The following OTUD7A variants were observed in gnomAD, a reference collection of about 807,000 sequenced individuals.
OTUD7A encodes the protein OTU deubiquitinase 7A.
A neutral mutation model predicts 65.7 loss-of-function variants in OTUD7A; 12 were observed. The observed-to-expected ratio is 0.18, with a 90% CI of 0.12 to 0.30. OTUD7A has a LOEUF of 0.30. Among genes scored for constraint, OTUD7A ranks in the 10% least tolerant of loss-of-function variants. The pLI, the probability that OTUD7A is intolerant of heterozygous loss-of-function variation, is 1.00. For synonymous variants in OTUD7A, 641 were observed against 586.3 expected, an observed-to-expected ratio of 1.09 and a Z score of -1.35; for missense variants, 1,148 against 1,304.8, an observed-to-expected ratio of 0.88 and a Z score of 1.85.
At chr15:31,598,352 C>T (rs992098142) in intron 3 of OTUD7A, among the ~76,000 whole-genome samples, 2 of 152,110 alleles carry the variant, frequency 1.3e-5, no homozygotes, top group South Asian at 2.1e-4. Context: ...CCACAGAGGG[C>T]GAGCCGAAGC....
chr15:31,558,916 C>A, intron 5 of OTUD7A, 53 bp downstream of exon 5: 1 of 1,580,914 alleles, frequency 6.3e-7, no homozygotes, highest in Non-Finnish European at 8.7e-7. Context: ...GTTAGGCCAG[C>A]TCACCATTCA....
At chr15:31,771,517 C>T (rs1042466294) in intron 1 of OTUD7A, among the ~76,000 whole-genome samples, 1 of 152,194 alleles carries the variant, frequency 6.6e-6, no homozygotes, top group Admixed American at 6.5e-5. Context: ...ACCAGTGATG[C>T]CAGTGGGTTC....
chr15:31,646,394 TTCTTTCTC>T (rs1456977874), intron 3 of OTUD7A, among the ~76,000 whole-genome samples: 5 of 152,092 alleles, frequency 3.3e-5, no homozygotes, highest in African/African-American at 1.2e-4. Flanking sequence ...GGAAGTGTCT[TTCTTTCTC>T]TCTTTCTCTC....
chr15:31,543,586 G>T (rs768040898), intron 5 of OTUD7A, among the ~76,000 whole-genome samples: 2 of 151,756 alleles, frequency 1.3e-5, no homozygotes, highest in Admixed American at 1.3e-4. Flanking sequence ...TTTAACTTAC[G>T]GAAAGCTAAC....
At chr15:31,575,250 G>A (rs760752824) in intron 3 of OTUD7A, among the ~76,000 whole-genome samples, 6 of 152,160 alleles carry the variant, frequency 3.9e-5, no homozygotes, top group African/African-American at 9.7e-5. Context: ...AGCCCTGTGT[G>A]GTATGTTGTA....
At chr15:31,782,288 G>A (rs183945359) in intron 1 of OTUD7A, among the ~76,000 whole-genome samples, 65 of 152,358 alleles carry the variant, frequency 4.3e-4, no homozygotes, top group East Asian at 1.2e-3. Flanking sequence ...GCAGCTGGGA[G>A]GAGCAAATCC....
At chr15:31,763,010 C>G (rs900966620) in intron 1 of OTUD7A, among the ~76,000 whole-genome samples, 1 of 152,110 alleles carries the variant, frequency 6.6e-6, no homozygotes, top group African/African-American at 2.4e-5. Context: ...CAGCCAGGTG[C>G]GGTGGCTCAC....
chr15:31,629,675 C>CG, intron 3 of OTUD7A, among the ~76,000 whole-genome samples: 1 of 152,254 alleles, frequency 6.6e-6, no homozygotes, highest in Non-Finnish European at 1.5e-5. Context: ...ATGGTACCAG[C>CG]TCCTCCTTTT....
chr15:31,598,819 G>A (rs1321133602), intron 3 of OTUD7A, among the ~76,000 whole-genome samples: 1 of 152,198 alleles, frequency 6.6e-6, no homozygotes, highest in East Asian at 1.9e-4. Flanking sequence ...AGCTTGGTAG[G>A]GGGAGGGGCG....
chr15:31,534,944 A>C (rs1053615334), intron 5 of OTUD7A, among the ~76,000 whole-genome samples: 1 of 152,198 alleles, frequency 6.6e-6, no homozygotes, highest in Non-Finnish European at 1.5e-5. Context: ...TATAAGTGGA[A>C]GTGGACCTGT....
intron 8 of OTUD7A, among the ~76,000 whole-genome samples, chr15:31,515,552 ACCTAT>A (rs1351128417): frequency 2.6e-5 from 4 of 152,054 alleles, no homozygotes; most frequent in Non-Finnish European, 4.4e-5. Context: ...ACATCTACCA[ACCTAT>A]CCATCCTTCT....
intron 5 of OTUD7A, among the ~76,000 whole-genome samples, chr15:31,535,997 G>T (rs1353640739): frequency 1.3e-5 from 2 of 152,100 alleles, no homozygotes; most frequent in Admixed American, 1.3e-4. Flanking sequence ...GTTTTCTAGT[G>T]AACTCATGTC....
At chr15:31,765,044 CTAAA>C (rs3046537) in intron 1 of OTUD7A, among the ~76,000 whole-genome samples, 26,996 of 151,998 alleles carry the variant, frequency 0.18, 3,110 homozygotes, top group Middle Eastern at 0.34. Context: ...ATAGCAGTTG[CTAAA>C]TAAATATCTT....
chr15:31,766,651 T>C (rs1334422247), intron 1 of OTUD7A: 2 of 1,602,666 alleles, frequency 1.2e-6, no homozygotes, highest in African/African-American at 2.7e-5. Flanking sequence ...AAGCAAACTC[T>C]GAGACCTTCA....
chr15:31,645,098 G>T (rs1221168411), intron 3 of OTUD7A, among the ~76,000 whole-genome samples: 1 of 152,148 alleles, frequency 6.6e-6, no homozygotes, highest in Non-Finnish European at 1.5e-5. Context: ...CTGGACTCCT[G>T]GGACTCTAAG....
intron 3 of OTUD7A, among the ~76,000 whole-genome samples, chr15:31,617,946 A>T (rs1239542727): frequency 7.2e-6 from 1 of 139,550 alleles, no homozygotes; most frequent in Non-Finnish European, 1.5e-5. Flanking sequence ...ACCCCAAAAC[A>T]GGCCCTGGTG....
At position 31,526,488 on chromosome 15, in the gene OTUD7A, G is replaced by A. The variant is rs779885146; in HGVS notation, c.781-27C>T. 5.9e-6 allele frequency: 9 copies of A among 1,526,480 alleles called. No homozygotes were observed. The Admixed American group carries it at 7.7e-5, about 13-fold the overall frequency. The allele number at this position is 1,526,480 out of a possible 1,614,324, so 94.6% of individuals were successfully genotyped here. Reference sequence around the variant, plus strand: ...TGGCAGAGGGGAGCCGGCTCAGAAGGGGGGTGGGCCACAGCTGCGCTGCCC... The same window carrying A: ...TGGCAGAGGGGAGCCGGCTCAGAAGAGGGGTGGGCCACAGCTGCGCTGCCC... On this transcript the variant is annotated intron_variant, in intron 7 of 12. Coordinates refer to ENST00000307050, the MANE Select transcript of OTUD7A (RefSeq NM_001382637.1).
intron 1 of OTUD7A, among the ~76,000 whole-genome samples, chr15:31,699,171 C>T (rs1489659356): frequency 1.3e-5 from 2 of 151,212 alleles, no homozygotes; most frequent in Non-Finnish European, 2.9e-5. Context: ...GCTCCACCTC[C>T]TGAGTTCATG....
chr15:31,676,185 T>C (rs1310707522), intron 1 of OTUD7A, among the ~76,000 whole-genome samples: 2 of 152,180 alleles, frequency 1.3e-5, no homozygotes, highest in Non-Finnish European at 2.9e-5. Context: ...TGCAGAGATG[T>C]GTGAGGGTAG....
Sources: gnomAD v4.1 joint callset for allele counts (sites outside exome capture counted in the v4.1 genomes callset) on GRCh38, gnomAD v4.1.1 for gene constraint, MANE v1.5 for transcripts, NCBI Gene and HGNC (gene_info 2026-07-23, HGNC 2026-07-21) for gene names.